Variants in ERC1 observed in about 807,000 individuals in gnomAD.
ERC1 encodes the protein ELKS/RAB6-interacting/CAST family member 1.
In ERC1, 56 loss-of-function variants were observed where a neutral mutation model predicts 132.0. That is an observed-to-expected ratio of 0.42 (90% CI 0.34 to 0.53). ERC1 has a LOEUF of 0.53. Ranked by LOEUF, ERC1 falls within the 20% of genes least tolerant of loss-of-function variation. The pLI is 0.03. For missense variants in ERC1, 1,202 were observed against 1,349.9 expected, an observed-to-expected ratio of 0.89 and a Z score of 1.72; for synonymous variants, 478 against 476.1, an observed-to-expected ratio of 1.00 and a Z score of -0.05.
At chr12:1,422,889 A>G (rs747383701) in intron 17 of ERC1, among the ~76,000 whole-genome samples, 9 of 152,186 alleles carry the variant, frequency 5.9e-5, no homozygotes, top group Non-Finnish European at 1.0e-4. Context: ...GTTTTTAAAT[A>G]ATAGCGATTT....
chr12:1,405,987 T>A (rs1002085216), intron 16 of ERC1, among the ~76,000 whole-genome samples: 3 of 152,216 alleles, frequency 2.0e-5, no homozygotes, highest in African/African-American at 7.2e-5. Flanking sequence ...TATGTGTAAT[T>A]TTTTAAAACA....
chr12:1,037,533 A>G (rs543401434), intron 2 of ERC1, among the ~76,000 whole-genome samples: 2 of 152,324 alleles, frequency 1.3e-5, no homozygotes, highest in Admixed American at 1.3e-4. Context: ...AGGTGCTTAG[A>G]AACCATACTT....
chr12:1,205,900 C>G (rs1000976776), intron 12 of ERC1, among the ~76,000 whole-genome samples: 1 of 152,090 alleles, frequency 6.6e-6, no homozygotes, highest in African/African-American at 2.4e-5. Flanking sequence ...GTTTTGCTCT[C>G]AGTCTCTCTA....
chr12:1,380,369 T>G (rs1405966946), intron 16 of ERC1: 3 of 152,118 alleles, frequency 2.0e-5, no homozygotes, highest in Non-Finnish European at 4.4e-5. Flanking sequence ...TGCCAAACGG[T>G]GAGAAATAGG....
chr12:1,214,046 A>C (rs775627934), intron 12 of ERC1, among the ~76,000 whole-genome samples: 1 of 152,218 alleles, frequency 6.6e-6, no homozygotes, highest in Non-Finnish European at 1.5e-5. Flanking sequence ...TTTCCTAAGA[A>C]CAGAGGAATA....
At position 1,297,356 on chromosome 12, in the gene ERC1, T is replaced by G. The variant is rs187535622; in HGVS notation, c.2780+7344T>G. On this transcript the variant is annotated intron_variant, in intron 15 of 18. Transcript: ENST00000360905. ...AAATGCTAATGAGTGTTCTTCAAGC[T>G]GAAGGGAAATGAATCCAGATGGGAG... Among the ~76,000 whole-genome samples the G allele has an allele frequency of 3.6e-4, 54 of 151,784 alleles. 1 individual carries two copies. The highest frequency in any genetic ancestry group is 1.3e-3 in the African/African-American group (54 of 41,408).
At chr12:1,097,074 C>T (rs765885373) in intron 3 of ERC1, among the ~76,000 whole-genome samples, 10 of 152,096 alleles carry the variant, frequency 6.6e-5, no homozygotes, top group South Asian at 2.1e-4. Flanking sequence ...TCTTAATTAC[C>T]GATTTGCCCT....
intron 15 of ERC1, among the ~76,000 whole-genome samples, chr12:1,351,817 G>A (rs980348972): frequency 1.3e-5 from 2 of 151,872 alleles, no homozygotes; most frequent in African/African-American, 4.8e-5. Context: ...AGTATCTTTT[G>A]TATTATTTTG....
chr12:1,236,892 T>C lies in ERC1; in HGVS notation c.2475T>C (p.Ser825=). The C allele has an allele frequency of 5.0e-6, 8 of 1,613,992 alleles. No homozygotes were observed. The highest frequency in any genetic ancestry group is 6.8e-6 in the Non-Finnish European group (8 of 1,179,898). Residue 825 remains serine (S), a synonymous_variant, in exon 13 of 19, where the codon TCT becomes TCC. Transcript: ENST00000360905. ...RRREDNLNDS[S]QQLQDSLRKK... is the part of the protein sequence containing the mutation. ...GGGAGGACAATCTCAACGACAGCTCTCAGCAGCTACAGGTTAGAACACAAG... is the reference window on the plus strand; with the variant it reads ...GGGAGGACAATCTCAACGACAGCTCCCAGCAGCTACAGGTTAGAACACAAG...
chr12:1,487,190 G>A (rs78153698), intron 18 of ERC1, among the ~76,000 whole-genome samples: 7,894 of 152,156 alleles, frequency 0.052, 643 homozygotes, highest in African/African-American at 0.18. Context: ...CCAAGGCCGC[G>A]TGGTCTAAAT....
chr12:1,143,414 G>C lies in ERC1; in HGVS notation c.1737+1627G>C, dbSNP rs375187420. Reference sequence around the variant, plus strand: ...TCTTAAATAAAGTGAATGTTTTAAGGCTTCTGGATTTTGTGACATATTACA... The same window carrying C: ...TCTTAAATAAAGTGAATGTTTTAAGCCTTCTGGATTTTGTGACATATTACA... On this transcript the variant is annotated intron_variant, in intron 8 of 18. Transcript: ENST00000360905. Among the ~76,000 whole-genome samples, 176 of 148,598 alleles carry C rather than the reference G, an allele frequency of 1.2e-3. No individual in the cohort carries two copies. In the South Asian group the frequency reaches 0.014, roughly 12 times the overall value.
intron 18 of ERC1, among the ~76,000 whole-genome samples, chr12:1,472,116 G>C (rs1210202097): frequency 1.3e-5 from 2 of 152,124 alleles, no homozygotes; most frequent in Non-Finnish European, 2.9e-5. Flanking sequence ...CCATTGTTGG[G>C]TATTTGCCTG....
chr12:1,411,539 G>A (rs1481982522), intron 17 of ERC1, among the ~76,000 whole-genome samples: 1 of 152,154 alleles, frequency 6.6e-6, no homozygotes, highest in Non-Finnish European at 1.5e-5. Context: ...GAATGAAGTT[G>A]AAACGCACTG....
chr12:1,310,993 C>G (rs923704660), intron 15 of ERC1, among the ~76,000 whole-genome samples: 1 of 152,210 alleles, frequency 6.6e-6, no homozygotes, highest in Non-Finnish European at 1.5e-5. Context: ...CCTCTTTCTT[C>G]AAAATCTGCC....
At chr12:1,022,255 T>C (rs561419108) in intron 1 of ERC1, among the ~76,000 whole-genome samples, 2 of 152,308 alleles carry the variant, frequency 1.3e-5, no homozygotes, top group African/African-American at 2.4e-5. Context: ...TATGCACATG[T>C]GCATGCATAT....
chr12:1,330,212 A>G (rs1457047475), intron 15 of ERC1, among the ~76,000 whole-genome samples: 1 of 152,234 alleles, frequency 6.6e-6, no homozygotes, highest in Non-Finnish European at 1.5e-5. Context: ...CTATAAGGAA[A>G]AGCAACAACA....
In ERC1 at chr12:1,220,534, T is replaced by C. The variant is rs538957725; in HGVS notation, c.2352-16235T>C. On this transcript the variant is annotated intron_variant, in intron 12 of 18. Coordinates refer to ENST00000360905, the MANE Select transcript of ERC1 (RefSeq NM_178040.4). ...TAGGTTACTGTTATTTTTATTTGTGTTTTTGAGCAATTCTTTTGTACTTTG... is the reference window on the plus strand; with the variant it reads ...TAGGTTACTGTTATTTTTATTTGTGCTTTTGAGCAATTCTTTTGTACTTTG... 2.0e-5 allele frequency among the ~76,000 whole-genome samples: 3 copies of C among 152,348 alleles called. No individual in the cohort carries two copies. In the South Asian group the frequency reaches 6.2e-4, roughly 32 times the overall value.
chr12:1,239,210 G>A (rs1019207687), intron 13 of ERC1, among the ~76,000 whole-genome samples: 5 of 152,136 alleles, frequency 3.3e-5, no homozygotes. Context: ...AGCTGGGACT[G>A]CAGGCTTGTA....
intron 3 of ERC1, among the ~76,000 whole-genome samples, chr12:1,100,239 G>A (rs1286553803): frequency 6.6e-6 from 1 of 152,058 alleles, no homozygotes; most frequent in African/African-American, 2.4e-5. Context: ...AGTCAAGAGG[G>A]TGACTGACAT....
Sources: gnomAD v4.1 joint callset for allele counts (sites outside exome capture counted in the v4.1 genomes callset) on GRCh38, gnomAD v4.1.1 for gene constraint, MANE v1.5 for transcripts, NCBI Gene and HGNC (gene_info 2026-07-23, HGNC 2026-07-21) for gene names.